GARNL3: variants seen among roughly 807,000 people sequenced by gnomAD.
GARNL3 encodes GTPase-activating Rap/Ran-GAP domain-like protein 3.
GARNL3 carries 63 observed loss-of-function variants against 125.0 expected under a neutral mutation model. That is an observed-to-expected ratio of 0.50 (90% CI 0.41 to 0.62). The LOEUF is 0.62. Among genes scored for constraint, GARNL3 ranks in the 20% least tolerant of loss-of-function variants. The pLI is 0.00. For synonymous variants in GARNL3, 439 were observed against 457.5 expected (o/e 0.96, Z 0.52); for missense variants, 994 against 1,244.0 (o/e 0.80, Z 3.02).
chr9:127,367,357 G>GT (rs1321989345), intron 22 of GARNL3: 1 of 152,086 alleles, frequency 6.6e-6, no homozygotes, highest in Non-Finnish European at 1.5e-5. Flanking sequence ...TATCATTGAA[G>GT]TTTTTTTCTG....
intron 2 of GARNL3, among the ~76,000 whole-genome samples, chr9:127,250,031 C>CT (rs1315292453): frequency 1.3e-5 from 2 of 152,050 alleles, no homozygotes; most frequent in Non-Finnish European, 2.9e-5. Flanking sequence ...AATACAAGAG[C>CT]TTTTTTGTTA....
Position 127,242,938 on chromosome 9 carries a change from CT to C in GARNL3, c.-28-140del. On this transcript the variant is annotated intron_variant, in intron 1 of 10. Transcript: ENST00000439286. The surrounding 1 kb of genome is among the most constrained non-coding windows in gnomAD (Gnocchi z 4.6). ...GTCATATGCGGTCTTGGTGGGGCCC[CT>C]GGGTCTTGAGGGTGCTTCAGTGTCA... 1 of 600,104 alleles carries C rather than the reference CT, an allele frequency of 1.7e-6. No homozygotes were observed. The highest frequency in any genetic ancestry group is 2.5e-6 in the Non-Finnish European group (1 of 401,206). The allele number at this position is 600,104 out of a possible 1,614,324, so 37.2% of individuals were successfully genotyped here.
chr9:127,301,865 G>A (rs1420886799), intron 2 of GARNL3, among the ~76,000 whole-genome samples: 1 of 150,408 alleles, frequency 6.6e-6, no homozygotes, highest in Non-Finnish European at 1.5e-5. Flanking sequence ...AGTAGATGGT[G>A]CAGCAGAGGG....
Position 127,318,044 on chromosome 9 carries a change from G to A in GARNL3, c.439-19G>A, listed in dbSNP as rs1474541563. 3 of 1,528,524 alleles carry A rather than the reference G, an allele frequency of 2.0e-6. No individual in the cohort carries two copies. The highest frequency in any genetic ancestry group is 2.7e-6 in the Non-Finnish European group (3 of 1,102,126). The allele number at this position is 1,528,524 out of a possible 1,614,324, so 94.7% of individuals were successfully genotyped here. A position where few individuals can be genotyped will look rare whatever the true frequency, so the allele number is the denominator to read the frequency against. The stretch of plus-strand genomic sequence containing the variant: ...AAGTTGTAGAACTTGTCACTGATTT[G>A]ATGTTTGGACTTTTCCAGGGTACCC... On this transcript the variant is annotated intron_variant, in intron 4 of 27. Transcript: ENST00000373387.
chr9:127,271,157 T>C (rs2063815264), intron 1 of GARNL3, among the ~76,000 whole-genome samples: 1 of 150,274 alleles, frequency 6.7e-6, no homozygotes, highest in Non-Finnish European at 1.5e-5. Context: ...CATTCCTTCA[T>C]ATAGCGAGAA....
At chr9:127,238,246 C>T (rs986640931) in intron 1 of GARNL3, among the ~76,000 whole-genome samples, 7 of 152,250 alleles carry the variant, frequency 4.6e-5, no homozygotes, top group African/African-American at 1.7e-4. Flanking sequence ...CTTGGCCTTC[C>T]GAAGTATGGT....
At chr9:127,380,443 A>G (rs1380021599) in intron 22 of GARNL3, among the ~76,000 whole-genome samples, 1 of 152,206 alleles carries the variant, frequency 6.6e-6, no homozygotes, top group Non-Finnish European at 1.5e-5. Context: ...TAACCCAGCA[A>G]TCTATACAAG....
At chr9:127,282,325 A>G (rs997117272) in intron 1 of GARNL3, among the ~76,000 whole-genome samples, 4 of 152,330 alleles carry the variant, frequency 2.6e-5, no homozygotes, top group African/African-American at 7.2e-5. Context: ...AATCACTATC[A>G]TATTACTACA....
chr9:127,361,236 A>G (rs1436385692), intron 21 of GARNL3, among the ~76,000 whole-genome samples: 4 of 152,132 alleles, frequency 2.6e-5, no homozygotes, highest in East Asian at 3.9e-4. Flanking sequence ...TAAAGTACCA[A>G]TAGAATGAAC....
In GARNL3 at chr9:127,311,676, T is replaced by C. The variant is rs1292936630; in HGVS notation, c.260T>C (p.Val87Ala). 3 of 1,614,038 alleles carry C rather than the reference T, an allele frequency of 1.9e-6. No homozygotes were observed. The highest frequency in any genetic ancestry group is 1.7e-4 in the Middle Eastern group (1 of 6,060). Residue 87 changes from valine (V) to alanine (A), a missense_variant, in exon 3 of 28, where the codon GTG becomes GCG. This residue lies in a region of GARNL3 where 139 missense variants were observed against 231.6 expected (regional missense o/e 0.60). Transcript: ENST00000373387. ...ALPGTWRRTD[V>A]HLENPEYHTR... ...CCTGGTACTTGGCGAAGAACAGACG[T>C]GCACTTAGAGAACCCAGAATACCAC... is the stretch of plus-strand genomic sequence containing the variant.
intron 1 of GARNL3, among the ~76,000 whole-genome samples, chr9:127,275,081 A>G (rs1248179153): frequency 3.3e-5 from 5 of 152,240 alleles, no homozygotes; most frequent in Admixed American, 1.3e-4. Flanking sequence ...TTTAAACTTG[A>G]TTAAAATATA....
chr9:127,302,812 A>C (rs927342008), intron 2 of GARNL3, among the ~76,000 whole-genome samples: 3 of 152,230 alleles, frequency 2.0e-5, no homozygotes, highest in Admixed American at 2.0e-4. Context: ...AGAAGAATCT[A>C]TGTAGTTGTT....
At chr9:127,254,651 C>A (rs1390234089) in intron 2 of GARNL3, among the ~76,000 whole-genome samples, 1 of 152,006 alleles carries the variant, frequency 6.6e-6, no homozygotes, top group African/African-American at 2.4e-5. Flanking sequence ...TGCCTGTAAT[C>A]CCAGCCACTC....
chr9:127,380,966 C>A (rs918743498), intron 22 of GARNL3, among the ~76,000 whole-genome samples: 2 of 152,168 alleles, frequency 1.3e-5, no homozygotes, highest in Admixed American at 1.3e-4. Flanking sequence ...GCAACCTCTA[C>A]CCCCCGGGTT....
chr9:127,283,242 C>T (rs2064148747), intron 1 of GARNL3, among the ~76,000 whole-genome samples: 1 of 152,132 alleles, frequency 6.6e-6, no homozygotes, highest in Non-Finnish European at 1.5e-5. Context: ...AGGGTTGTGG[C>T]CCTGTCCAAT....
At chr9:127,287,157 A>G (rs1190579835) in intron 1 of GARNL3, among the ~76,000 whole-genome samples, 1 of 152,142 alleles carries the variant, frequency 6.6e-6, no homozygotes, top group African/African-American at 2.4e-5. Flanking sequence ...CTCTAGGGAA[A>G]TGGGGTCTAG....
At position 127,354,379 on chromosome 9, in the gene GARNL3, C is replaced by G. The variant is rs75324173; in HGVS notation, c.1728C>G (p.Asp576Glu). The G allele has an allele frequency of 0.012, 18,858 of 1,612,388 alleles. 140 individuals are homozygous for G. Among genetic ancestry groups the G allele is most frequent in the Middle Eastern group, 0.016 (99 of 6,060 alleles). Residue 576 changes from aspartate to glutamate, a missense_variant, in exon 19 of 28, where the codon GAC (aspartate) becomes GAG (glutamate). Asp to Glu is a conservative substitution (Grantham distance 45). This residue lies in a region of GARNL3 where 728 missense variants were observed against 865.7 expected (regional missense o/e 0.84). Coordinates refer to ENST00000373387, the MANE Select transcript of GARNL3 (RefSeq NM_032293.5). Reference protein sequence around the residue: ...EGKQAGKSRSDCRENKLEKTK... With the variant: ...EGKQAGKSRSECRENKLEKTK... The stretch of plus-strand genomic sequence containing the variant: ...AGCAGGCTGGGAAGAGCAGGTCTGA[C>G]TGCAGAGAAAACAAGTTGGAGAAAA...
intron 2 of GARNL3, among the ~76,000 whole-genome samples, chr9:127,246,814 A>T (rs566010020): frequency 6.6e-6 from 1 of 152,124 alleles, no homozygotes; most frequent in South Asian, 2.1e-4. Flanking sequence ...CTCAAAAAAA[A>T]AATTGCTGTC....
At chr9:127,319,423 A>G (rs891083454) in intron 5 of GARNL3, among the ~76,000 whole-genome samples, 2 of 152,100 alleles carry the variant, frequency 1.3e-5, no homozygotes, top group Non-Finnish European at 2.9e-5. Context: ...TGGAGGGTGC[A>G]GTGAGCTGAG....
Sources: allele counts gnomAD v4.1 joint callset (sites outside exome capture counted in the v4.1 genomes callset), GRCh38; gene constraint gnomAD v4.1.1; regional missense constraint gnomAD v4.1.1; non-coding constraint Gnocchi (gnomAD v3.1); transcripts MANE v1.5; gene names NCBI Gene and HGNC (gene_info 2026-07-23, HGNC 2026-07-21).